ZFHX3: variants seen among roughly 807,000 people sequenced by gnomAD.
ZFHX3 encodes zinc finger homeobox protein 3.
Under a neutral mutation model 279.1 loss-of-function variants are expected in ZFHX3, and 42 were observed. The observed-to-expected ratio is 0.15, with a 90% CI of 0.12 to 0.19. ZFHX3 has a LOEUF of 0.19. ZFHX3 is among the 10% of genes least tolerant of loss of function. ZFHX3 has a pLI of 1.00. For synonymous variants in ZFHX3, 2,293 were observed against 1,957.8 expected (o/e 1.17, Z -4.52); for missense variants, 4,981 against 4,754.0 (o/e 1.05, Z -1.40).
At chr16:72,854,303 G>A (rs1458210263) in intron 4 of ZFHX3, among the ~76,000 whole-genome samples, 1 of 152,184 alleles carries the variant, frequency 6.6e-6, no homozygotes, top group Non-Finnish European at 1.5e-5. Flanking sequence ...TAGCCGGCCT[G>A]GCACCACTTT....
chr16:73,798,317 A>T (rs421566), intron 1 of ZFHX3, among the ~76,000 whole-genome samples: 64,213 of 151,384 alleles, frequency 0.42, 15,396 homozygotes, highest in African/African-American at 0.67. Flanking sequence ...ATATTCTTGG[A>T]GAGATGCTTG....
intron 2 of ZFHX3, among the ~76,000 whole-genome samples, chr16:73,665,897 G>T (rs749339583): frequency 6.8e-6 from 1 of 146,406 alleles, no homozygotes; most frequent in Admixed American, 7.0e-5. Flanking sequence ...CTCACTGCAA[G>T]GTCTGCCTCC....
intron 2 of ZFHX3, among the ~76,000 whole-genome samples, chr16:73,541,078 G>C (rs983058752): frequency 6.6e-6 from 1 of 152,130 alleles, no homozygotes; most frequent in Non-Finnish European, 1.5e-5. Flanking sequence ...GCCTGACCCA[G>C]AGCCTCATTC....
chr16:73,491,054 T>C lies in ZFHX3; in HGVS notation c.-1546-34796A>G, dbSNP rs183944353. 6.4e-3 allele frequency among the ~76,000 whole-genome samples: 973 copies of C among 152,340 alleles called. 6 individuals are homozygous for C. The highest frequency in any genetic ancestry group is 9.2e-3 in the Non-Finnish European group (626 of 68,038). ...CCTTTGACAAAATGTCATCGAAATA[T>C]TCTTGGTCACCCTGCTTTTTACACT... On this transcript the variant is annotated intron_variant, in intron 2 of 17. Transcript: ENST00000641206.
At chr16:73,863,332 C>T (rs1379911744) in intron 1 of ZFHX3, among the ~76,000 whole-genome samples, 1 of 151,954 alleles carries the variant, frequency 6.6e-6, no homozygotes, top group African/African-American at 2.4e-5. Context: ...AACAATGGCC[C>T]CAGAAGGTGG....
intron 4 of ZFHX3, among the ~76,000 whole-genome samples, chr16:72,840,815 A>G (rs1410322371): frequency 1.3e-5 from 2 of 152,248 alleles, no homozygotes; most frequent in East Asian, 1.9e-4. Context: ...CATGATCATA[A>G]GCCACTAATA....
At chr16:72,843,355 C>CA (rs1315262286) in intron 4 of ZFHX3, among the ~76,000 whole-genome samples, 46 of 151,634 alleles carry the variant, frequency 3.0e-4, no homozygotes, top group Admixed American at 2.7e-3. Context: ...CTAAAAAATA[C>CA]AAAAAATTAG....
intron 4 of ZFHX3, among the ~76,000 whole-genome samples, chr16:73,287,843 A>AGGGGCTGTGTGGGTTGCTGT (rs2014667405): frequency 3.9e-5 from 2 of 51,430 alleles, no homozygotes. Context: ...TGGGTTGGTG[A>AGGGGCTGTGTGGGTTGCTGT]GTGGCTGTGT....
At chr16:73,346,210 C>G (rs2143271250) in intron 3 of ZFHX3, among the ~76,000 whole-genome samples, 1 of 152,260 alleles carries the variant, frequency 6.6e-6, no homozygotes, top group Non-Finnish European at 1.5e-5. Context: ...ATGGATACAT[C>G]CTCTGCCTGC....
intron 2 of ZFHX3, among the ~76,000 whole-genome samples, chr16:73,619,661 C>A (rs1321186860): frequency 6.6e-6 from 1 of 151,938 alleles, no homozygotes; most frequent in Non-Finnish European, 1.5e-5. Context: ...TGTATTTCTA[C>A]CTTTTCTGGA....
chr16:73,784,791 A>AC (rs1567409661), intron 1 of ZFHX3, among the ~76,000 whole-genome samples: 1 of 114,492 alleles, frequency 8.7e-6, no homozygotes, highest in African/African-American at 3.5e-5. Flanking sequence ...CAAAATAAAA[A>AC]AAAAAATATA....
intron 6 of ZFHX3, among the ~76,000 whole-genome samples, chr16:73,143,268 GA>G (rs1438536790): frequency 5.3e-5 from 8 of 151,948 alleles, no homozygotes; most frequent in African/African-American, 1.5e-4. Flanking sequence ...GGCAGAAATG[GA>G]CCCCGAGAAG....
intron 2 of ZFHX3, among the ~76,000 whole-genome samples, chr16:73,577,997 A>T (rs944689551): frequency 2.0e-5 from 3 of 152,242 alleles, no homozygotes; most frequent in Non-Finnish European, 4.4e-5. Context: ...GACTGACGTC[A>T]ATCACTCCGG....
chr16:73,373,632 A>C (rs547541715), intron 3 of ZFHX3, among the ~76,000 whole-genome samples: 55 of 152,352 alleles, frequency 3.6e-4, no homozygotes, highest in African/African-American at 1.2e-3. Context: ...TGCTAAGGAC[A>C]GGTGCATGAG....
At chr16:73,644,313 G>A (rs530861819) in intron 2 of ZFHX3, among the ~76,000 whole-genome samples, 2 of 152,014 alleles carry the variant, frequency 1.3e-5, no homozygotes, top group East Asian at 3.9e-4. Context: ...GTAAACTTAA[G>A]ACATCCCCAG....
chr16:72,898,686 G>T (rs1381383450), intron 3 of ZFHX3, among the ~76,000 whole-genome samples: 1 of 151,298 alleles, frequency 6.6e-6, no homozygotes, highest in African/African-American at 2.4e-5. Context: ...TTATACATGG[G>T]GAGGAAATTT....
In ZFHX3 at chr16:73,688,855, A is replaced by G. The variant is rs150217503; in HGVS notation, c.-1607-8615T>C. Among the ~76,000 whole-genome samples the G allele has an allele frequency of 6.9e-3, 1,053 of 152,242 alleles. 17 individuals are homozygous for G. The highest frequency in any genetic ancestry group is 0.024 in the African/African-American group (1,006 of 41,536). ...AAGTCTCATGAGAGCTGATGGTTTTATAAAGGGGAGCTTCCCTGCACCATT... is the reference window on the plus strand; with the variant it reads ...AAGTCTCATGAGAGCTGATGGTTTTGTAAAGGGGAGCTTCCCTGCACCATT... On this transcript the variant is annotated intron_variant, in intron 1 of 17. Transcript: ENST00000641206.
intron 1 of ZFHX3, among the ~76,000 whole-genome samples, chr16:73,779,562 G>A (rs1027678984): frequency 2.0e-5 from 3 of 152,024 alleles, no homozygotes; most frequent in Non-Finnish European, 4.4e-5. Context: ...AAACATTTAA[G>A]ACCCACAAAG....
chr16:73,821,391 C>T (rs114778037), intron 1 of ZFHX3, among the ~76,000 whole-genome samples: 2,227 of 152,302 alleles, frequency 0.015, 59 homozygotes, highest in African/African-American at 0.05. Context: ...AATCAGAAAA[C>T]CCCAGTCTTT....
Sources: allele counts gnomAD v4.1 joint callset (sites outside exome capture counted in the v4.1 genomes callset), GRCh38; gene constraint gnomAD v4.1.1; transcripts MANE v1.5; gene names NCBI Gene and HGNC (gene_info 2026-07-23, HGNC 2026-07-21).